THADA: variants seen among roughly 807,000 people sequenced by gnomAD.
THADA encodes the protein tRNA (32-2'-O)-methyltransferase regulator THADA.
In THADA, 213 loss-of-function variants were observed where a neutral mutation model predicts 219.8. The observed-to-expected ratio is 0.97, with a 90% CI of 0.87 to 1.09. The LOEUF (loss-of-function observed/expected upper bound fraction) is 1.09, where lower values mean the gene tolerates loss of function less well. Ranked by LOEUF, THADA falls within the 50% of genes least tolerant of loss-of-function variation. The probability of loss-of-function intolerance (pLI) is 0.00; values close to 1 mark genes in which losing one functional copy is unlikely to be tolerated. For synonymous variants in THADA, 1,018 were observed against 828.9 expected (o/e 1.23, Z -3.92); for missense variants, 2,956 against 2,311.3 (o/e 1.28, Z -5.72).
intron 29 of THADA, among the ~76,000 whole-genome samples, chr2:43,382,022 C>T (rs1192853997): frequency 6.6e-6 from 1 of 152,038 alleles, no homozygotes; most frequent in East Asian, 1.9e-4. Flanking sequence ...AACAGATAAG[C>T]CCAAATTGAG....
chr2:43,277,568 C>T (rs1227059998), intron 36 of THADA, among the ~76,000 whole-genome samples: 1 of 152,252 alleles, frequency 6.6e-6, no homozygotes, highest in Non-Finnish European at 1.5e-5. Flanking sequence ...GGTCTGAGAG[C>T]AGAGCTCTGT....
rs1000267404 is a variant in THADA at position 43,594,308 on chromosome 2, G to A, written c.-25+1623C>T. 6.6e-5 allele frequency among the ~76,000 whole-genome samples: 10 copies of A among 152,280 alleles called. No individual in the cohort carries two copies. In the South Asian group the frequency reaches 2.1e-3, roughly 32 times the overall value. On this transcript the variant is annotated intron_variant, in intron 1 of 37. Coordinates refer to ENST00000405975, the MANE Select transcript of THADA (RefSeq NM_022065.5). Reference sequence around the variant, plus strand: ...AAAATTCAAACTTGAGGCCAGGAGTGGGGGCTCGTGCCTGTAATCCCAGCA... The same window carrying A: ...AAAATTCAAACTTGAGGCCAGGAGTAGGGGCTCGTGCCTGTAATCCCAGCA...
At chr2:43,322,988 A>G (rs576153857) in intron 30 of THADA, among the ~76,000 whole-genome samples, 1 of 152,058 alleles carries the variant, frequency 6.6e-6, no homozygotes, top group African/African-American at 2.4e-5. Context: ...GCCAGGCTCT[A>G]TTCTTTTATA....
At chr2:43,575,821 C>A (rs576490369) in intron 10 of THADA, among the ~76,000 whole-genome samples, 5 of 152,116 alleles carry the variant, frequency 3.3e-5, no homozygotes, top group Admixed American at 2.0e-4. Flanking sequence ...CAGGCTTGAG[C>A]CACCATGCCC....
chr2:43,316,051 A>G (rs1164101230), intron 31 of THADA, among the ~76,000 whole-genome samples: 2 of 152,080 alleles, frequency 1.3e-5, no homozygotes, highest in African/African-American at 4.8e-5. Flanking sequence ...CCATGTCCCT[A>G]GTGCTCTGAA....
intron 24 of THADA, among the ~76,000 whole-genome samples, chr2:43,500,512 A>C (rs186683900): frequency 5.3e-5 from 8 of 152,374 alleles, no homozygotes; most frequent in African/African-American, 1.9e-4. Context: ...AAGAATGCAA[A>C]GATAAATTGA....
At chr2:43,322,273 G>A (rs1351173444) in intron 30 of THADA, among the ~76,000 whole-genome samples, 1 of 152,062 alleles carries the variant, frequency 6.6e-6, no homozygotes, top group Non-Finnish European at 1.5e-5. Flanking sequence ...GGAGGCTGAG[G>A]TGGGTGGATC....
In THADA at chr2:43,231,186, A is replaced by C; in HGVS notation, c.5624T>G (p.Val1875Gly). The C allele has an allele frequency of 1.2e-6, 2 of 1,613,838 alleles. No individual in the cohort carries two copies. The highest frequency in any genetic ancestry group is 1.7e-6 in the Non-Finnish European group (2 of 1,179,814). Residue 1875 changes from valine (V) to glycine (G), a missense_variant, in exon 38 of 38, where the codon GTG becomes GGG. Transcript: ENST00000405975. ...PEMLCHLQRM[V>G]SEQCHLLSQF... ...AGACAGGAGGTGGCACTGCTCTGAC[A>C]CCATCCTTTGAAGGTGACAGAGCAT...
Position 43,404,894 on chromosome 2 carries a change from G to A in THADA, c.4059-6755C>T, listed in dbSNP as rs571777936. Among the ~76,000 whole-genome samples, 136 of 152,320 alleles carry A rather than the reference G, an allele frequency of 8.9e-4. 1 individual carries two copies. Among genetic ancestry groups the A allele is most frequent in the Admixed American group, 2.0e-3 (31 of 15,300 alleles). On this transcript the variant is annotated intron_variant, in intron 28 of 37. Transcript: ENST00000405975. ...CATAGGGCTGTTGTGAAGTTTAAAT[G>A]AAATAATGCATGAAAATAAAATGCC...
intron 22 of THADA, among the ~76,000 whole-genome samples, chr2:43,521,111 GAGGGAAGGT>G (rs1356620645): frequency 1.6e-4 from 21 of 129,436 alleles, no homozygotes; most frequent in South Asian, 3.0e-4. Flanking sequence ...AGAGGGAAGG[GAGGGAAGGT>G]AGGGAAGGGA....
intron 31 of THADA, among the ~76,000 whole-genome samples, chr2:43,313,719 A>T (rs1342171541): frequency 6.6e-6 from 1 of 152,220 alleles, no homozygotes; most frequent in Admixed American, 6.5e-5. Flanking sequence ...AAGCTCCTGA[A>T]AAGGGGGTCC....
chr2:43,531,730 G>A (rs1455083969), intron 21 of THADA, among the ~76,000 whole-genome samples: 2 of 149,990 alleles, frequency 1.3e-5, no homozygotes. Flanking sequence ...CAACTCAATT[G>A]CCTATTAGAT....
At chr2:43,392,323 T>C (rs1259663389) in intron 29 of THADA, among the ~76,000 whole-genome samples, 1 of 152,204 alleles carries the variant, frequency 6.6e-6, no homozygotes, top group Non-Finnish European at 1.5e-5. Context: ...AACAGAAATA[T>C]ATATACATAT....
intron 35 of THADA, among the ~76,000 whole-genome samples, chr2:43,281,141 G>A (rs958185611): frequency 6.6e-6 from 1 of 152,172 alleles, no homozygotes; most frequent in Admixed American, 6.5e-5. Flanking sequence ...TACCTCATCT[G>A]TACATGGAGA....
At chr2:43,489,374 T>C (rs1687324323) in intron 25 of THADA, among the ~76,000 whole-genome samples, 1 of 152,116 alleles carries the variant, frequency 6.6e-6, no homozygotes, top group African/African-American at 2.4e-5. Context: ...TCGAGTCTAA[T>C]TTATCAGTTT....
chr2:43,328,600 G>C (rs1679604732), intron 30 of THADA, among the ~76,000 whole-genome samples: 1 of 152,214 alleles, frequency 6.6e-6, no homozygotes, highest in South Asian at 2.1e-4. Context: ...AGTCTGTCCA[G>C]AAAGTGACTG....
chr2:43,401,347 C>T (rs1674810339), intron 28 of THADA, among the ~76,000 whole-genome samples: 1 of 151,824 alleles, frequency 6.6e-6, no homozygotes, highest in Admixed American at 6.6e-5. Context: ...GGTGTGATCT[C>T]GGCTCACTGC....
At chr2:43,298,869 T>C (rs1675913128) in intron 31 of THADA, among the ~76,000 whole-genome samples, 1 of 152,192 alleles carries the variant, frequency 6.6e-6, no homozygotes. Flanking sequence ...TGACCTACAC[T>C]GCCTGTGACT....
At chr2:43,434,075 G>T (rs545981278) in intron 26 of THADA, among the ~76,000 whole-genome samples, 23 of 152,112 alleles carry the variant, frequency 1.5e-4, no homozygotes, top group Non-Finnish European at 2.8e-4. Flanking sequence ...GAACAAGGTT[G>T]GAGGACTCAC....
Sources: allele counts gnomAD v4.1 joint callset (sites outside exome capture counted in the v4.1 genomes callset), GRCh38; gene constraint gnomAD v4.1.1; transcripts MANE v1.5; gene names NCBI Gene and HGNC (gene_info 2026-07-23, HGNC 2026-07-21).